PIK3C2G: variants seen among roughly 807,000 people sequenced by gnomAD.
PIK3C2G encodes phosphatidylinositol 3-kinase C2 domain-containing subunit gamma.
A neutral mutation model predicts 181.1 loss-of-function variants in PIK3C2G; 168 were observed. The observed-to-expected ratio is 0.93, with a 90% confidence interval of 0.82 to 1.05. The LOEUF is 1.05. Among genes scored for constraint, PIK3C2G ranks in the 50% least tolerant of loss-of-function variants. The pLI, the probability that PIK3C2G is intolerant of heterozygous loss-of-function variation, is 0.00. For missense variants in PIK3C2G, 1,869 were observed against 1,732.8 expected (o/e 1.08, Z -1.40); for synonymous variants, 573 against 592.2 (o/e 0.97, Z 0.47).
rs140319791 is a variant in PIK3C2G at position 18,600,862 on chromosome 12, G to T, written c.4087+6293G>T. Among the ~76,000 whole-genome samples, 279 of 152,098 alleles carry T rather than the reference G, an allele frequency of 1.8e-3. 4 individuals carry two copies. The East Asian group carries it at 0.036, about 19-fold the overall frequency. On this transcript the variant is annotated intron_variant, in intron 30 of 32. Coordinates refer to ENST00000538779, the MANE Select transcript of PIK3C2G (RefSeq NM_001288772.2). The stretch of plus-strand genomic sequence containing the variant: ...TACCAAGTTCAGATAATTTCCAGAG[G>T]AATTCTACCAAACTCCTTAAAAGCA...
chr12:18,380,185 A>G (rs971624906), intron 13 of PIK3C2G, among the ~76,000 whole-genome samples: 6 of 152,096 alleles, frequency 3.9e-5, no homozygotes, highest in African/African-American at 1.2e-4. Context: ...TGGGACGCCT[A>G]TGTCCGCCGT....
chr12:18,698,428 A>T, the PIK3C2G span, among the ~76,000 whole-genome samples: 1 of 152,232 alleles, frequency 6.6e-6, no homozygotes, highest in South Asian at 2.1e-4. Context: ...GCCTTTAAAA[A>T]ATCCAGGATC....
Position 18,486,563 on chromosome 12 carries a change from G to C in PIK3C2G, c.2505-1886G>C, listed in dbSNP as rs181071751. 2.1e-4 allele frequency among the ~76,000 whole-genome samples: 32 copies of C among 151,836 alleles called. No homozygotes were observed. In the East Asian group the frequency reaches 5.2e-3, roughly 25 times the overall value. ...TTAATTATTTTGGTAAAAAATTGTT[G>C]ATTTTGTCTGTGTAAATTAACTTTT... On this transcript the variant is annotated intron_variant, in intron 18 of 32. Transcript: ENST00000538779.
At chr12:18,399,634 TAC>T (rs1944126906) in intron 15 of PIK3C2G, 23 bp from the exon 16 acceptor site, 6 of 1,478,782 alleles carry the variant, frequency 4.1e-6, no homozygotes, top group East Asian at 2.3e-5. Context: ...TCCAGTAAAT[TAC>T]AGTTTCCAAT....
intron 1 of PIK3C2G, among the ~76,000 whole-genome samples, chr12:18,250,560 A>C (rs551420390): frequency 6.6e-6 from 1 of 152,056 alleles, no homozygotes; most frequent in Non-Finnish European, 1.5e-5. Context: ...GAAACAAAGC[A>C]GATATTCCCT....
At chr12:18,687,015 A>G in the PIK3C2G span, among the ~76,000 whole-genome samples, 1 of 152,038 alleles carries the variant, frequency 6.6e-6, no homozygotes, top group Non-Finnish European at 1.5e-5. Flanking sequence ...AGGGAACAAG[A>G]GATAGATTAT....
intron 5 of PIK3C2G, among the ~76,000 whole-genome samples, chr12:18,312,071 G>A (rs1234117908): frequency 6.6e-6 from 1 of 152,100 alleles, no homozygotes; most frequent in Non-Finnish European, 1.5e-5. Context: ...TAGCCATGCT[G>A]GCAGCTGTTT....
At chr12:18,291,197 C>A (rs990213215) in intron 4 of PIK3C2G, among the ~76,000 whole-genome samples, 185 bp downstream of exon 4, 1 of 152,172 alleles carries the variant, frequency 6.6e-6, no homozygotes, top group African/African-American at 2.4e-5. Context: ...AAACTATTTT[C>A]TTCAAGAAGT....
chr12:18,290,750 CA>C, intron 3 of PIK3C2G, 104 bp from the exon 4 acceptor site: 1 of 738,410 alleles, frequency 1.4e-6, no homozygotes, highest in Admixed American at 2.8e-5. Flanking sequence ...TCTTTTATAG[CA>C]AAACACTACA....
chr12:18,709,531 C>CTTTTT, the PIK3C2G span, among the ~76,000 whole-genome samples: 1 of 150,372 alleles, frequency 6.7e-6, no homozygotes, highest in African/African-American at 2.4e-5. Flanking sequence ...AATTTTAGGA[C>CTTTTT]TTTTTTTTTA....
In PIK3C2G at chr12:18,524,897, AT is replaced by A. The variant is rs201518640; in HGVS notation, c.3324-13250del. Among the ~76,000 whole-genome samples the A allele has an allele frequency of 7.5e-3, 1,136 of 151,454 alleles. 12 individuals are homozygous for A. Among genetic ancestry groups the A allele is most frequent in the African/African-American group, 0.026 (1,071 of 41,346 alleles). Reference sequence around the variant, plus strand: ...CTCAGTTTTCTTGTTTAAAAAACAGATTTTTTTTTGAAGATTAAATGAATTG... The same window carrying A: ...CTCAGTTTTCTTGTTTAAAAAACAGATTTTTTTTGAAGATTAAATGAATTG... On this transcript the variant is annotated intron_variant, in intron 24 of 32. Coordinates refer to ENST00000538779, the MANE Select transcript of PIK3C2G (RefSeq NM_001288772.2).
At chr12:18,423,921 A>T (rs1945635318) in intron 17 of PIK3C2G, 24 bp from the exon 18 acceptor site, 1 of 1,481,734 alleles carries the variant, frequency 6.7e-7, no homozygotes, top group African/African-American at 1.4e-5. Context: ...CTGAGAAGTA[A>T]AGTAATTGTG....
At chr12:18,496,306 A>G (rs1160821025) in intron 21 of PIK3C2G, among the ~76,000 whole-genome samples, 152 bp downstream of exon 21, 1 of 152,172 alleles carries the variant, frequency 6.6e-6, no homozygotes, top group Non-Finnish European at 1.5e-5. Context: ...AGGATTATAT[A>G]TAGTATGTGC....
At chr12:18,445,874 AATTGCATAGAAC>A (rs1946994167) in intron 18 of PIK3C2G, among the ~76,000 whole-genome samples, 1 of 152,176 alleles carries the variant, frequency 6.6e-6, no homozygotes, top group Non-Finnish European at 1.5e-5. Context: ...CCTTGAGTGC[AATTGCATAGAAC>A]ATCTCTGAAT....
chr12:18,393,735 A>G (rs1301578849), intron 15 of PIK3C2G, among the ~76,000 whole-genome samples: 1 of 152,130 alleles, frequency 6.6e-6, no homozygotes, highest in African/African-American at 2.4e-5. Flanking sequence ...CATAAATTAA[A>G]CAGACAGGAC....
At chr12:18,629,463 C>A (rs1037485066) in intron 31 of PIK3C2G, among the ~76,000 whole-genome samples, 1 of 151,988 alleles carries the variant, frequency 6.6e-6, no homozygotes, top group Non-Finnish European at 1.5e-5. Flanking sequence ...GTAAACAAGG[C>A]CCCAAGGAAG....
chr12:18,589,407 A>G (rs954737511), intron 29 of PIK3C2G, among the ~76,000 whole-genome samples: 1 of 152,038 alleles, frequency 6.6e-6, no homozygotes, highest in Non-Finnish European at 1.5e-5. Flanking sequence ...TGCTCTAAAG[A>G]TGAAAGAGTG....
intron 31 of PIK3C2G, among the ~76,000 whole-genome samples, chr12:18,625,146 T>A (rs1949038354): frequency 6.6e-6 from 1 of 151,788 alleles, no homozygotes; most frequent in Non-Finnish European, 1.5e-5. Flanking sequence ...TCTTATTTGA[T>A]ATTGGCATTT....
chr12:18,622,826 A>G (rs764724113), intron 31 of PIK3C2G, among the ~76,000 whole-genome samples: 3 of 151,708 alleles, frequency 2.0e-5, no homozygotes, highest in Non-Finnish European at 3.0e-5. Flanking sequence ...TTTTTCATGT[A>G]TCTGTTAGCC....
Sources: gnomAD v4.1 joint callset for allele counts (sites outside exome capture counted in the v4.1 genomes callset) on GRCh38, gnomAD v4.1.1 for gene constraint, MANE v1.5 for transcripts, NCBI Gene and HGNC (gene_info 2026-07-23, HGNC 2026-07-21) for gene names.